The following TARS3 variants were observed in gnomAD, a reference collection of about 807,000 sequenced individuals.
TARS3 encodes threonine--tRNA ligase 2, cytoplasmic.
TARS3 carries 94 observed loss-of-function variants against 103.5 expected under a neutral mutation model. The ratio of observed to expected loss-of-function variants is 0.91; its 90% CI spans 0.77 to 1.08. The LOEUF is 1.08. Ranked by LOEUF, TARS3 falls within the 50% of genes least tolerant of loss-of-function variation. The probability of loss-of-function intolerance (pLI) is 0.00; values close to 1 mark genes in which losing one functional copy is unlikely to be tolerated. For synonymous variants in TARS3, 416 were observed against 355.4 expected (o/e 1.17, Z -1.92); for missense variants, 952 against 995.2 (o/e 0.96, Z 0.58).
At chr15:101,683,375 ATTAGGG>A (rs1445721725) in intron 12 of TARS3, among the ~76,000 whole-genome samples, 1 of 152,126 alleles carries the variant, frequency 6.6e-6, no homozygotes, top group Non-Finnish European at 1.5e-5. Context: ...GTCAGTTAGG[ATTAGGG>A]TTAAACATTA....
At chr15:101,695,567 C>T (rs369956629) in intron 10 of TARS3, among the ~76,000 whole-genome samples, 1 of 152,160 alleles carries the variant, frequency 6.6e-6, no homozygotes, top group East Asian at 1.9e-4. Context: ...AAATACAAGT[C>T]TCAGTGTAGA....
At chr15:101,691,688 C>A (rs1224873613) in intron 10 of TARS3, among the ~76,000 whole-genome samples, 1 of 152,186 alleles carries the variant, frequency 6.6e-6, no homozygotes, top group Non-Finnish European at 1.5e-5. Flanking sequence ...GTGACAAGAG[C>A]AGTTAAAATC....
chr15:101,722,158 G>C (rs1019129440), intron 2 of TARS3, among the ~76,000 whole-genome samples: 1 of 150,988 alleles, frequency 6.6e-6, no homozygotes, highest in East Asian at 2.0e-4. Context: ...CTTCTCCTTA[G>C]CTCTAAAGGT....
At chr15:101,669,891 C>T (rs560358732) in intron 15 of TARS3, among the ~76,000 whole-genome samples, 1 of 152,214 alleles carries the variant, frequency 6.6e-6, no homozygotes, top group African/African-American at 2.4e-5. Flanking sequence ...ATATGTCCAA[C>T]TAATTTCTGA....
Position 101,704,349 on chromosome 15 carries a change from T to A in TARS3, c.996-412A>T, listed in dbSNP as rs186790121. The stretch of plus-strand genomic sequence containing the variant: ...ATTAGCATGAAAGGCTTCAATACTC[T>A]AATCTTTACATAGAAAGTCACAGGG... On this transcript the variant is annotated intron_variant, in intron 7 of 18. Transcript: ENST00000335968. Among the ~76,000 whole-genome samples, 54 of 152,280 alleles carry A rather than the reference T, an allele frequency of 3.5e-4. 1 individual carries two copies. Among genetic ancestry groups the A allele is most frequent in the African/African-American group, 1.2e-3 (48 of 41,556 alleles).
At chr15:101,693,396 A>G (rs1179445390) in intron 10 of TARS3, among the ~76,000 whole-genome samples, 1 of 152,062 alleles carries the variant, frequency 6.6e-6, no homozygotes, top group Admixed American at 6.5e-5. Flanking sequence ...CTTATTCACC[A>G]CCACAAGAAC....
chr15:101,706,613 T>C (rs1282495525), intron 6 of TARS3, among the ~76,000 whole-genome samples: 1 of 152,194 alleles, frequency 6.6e-6, no homozygotes, highest in Non-Finnish European at 1.5e-5. Context: ...GACACAGCTA[T>C]ATTATTAATT....
chr15:101,721,021 T>C (rs1900426906), intron 3 of TARS3, 105 bp downstream of exon 3: 2 of 907,434 alleles, frequency 2.2e-6, no homozygotes, highest in Non-Finnish European at 3.3e-6. Context: ...GTCCTTTTAG[T>C]ATCGTGAGAA....
Position 101,708,808 on chromosome 15 carries a change from G to A in TARS3, c.915C>T (p.Leu305=). ...FERLEVSKEI[L]LEMFKYNKFK... Reference sequence around the variant, plus strand: ...CCCAAGTTACCTTAAACATTTCCAGGAGGATTTCCTTGCTGACTTCTAGTC... The same window carrying A: ...CCCAAGTTACCTTAAACATTTCCAGAAGGATTTCCTTGCTGACTTCTAGTC... The change falls in exon 6 of 19, where the codon CTC becomes CTT. Residue 305 remains leucine, a synonymous_variant. Transcript: ENST00000335968. 4 of 1,611,494 alleles carry A rather than the reference G, an allele frequency of 2.5e-6. No individual in the cohort carries two copies. Among genetic ancestry groups the A allele is most frequent in the Non-Finnish European group, 3.4e-6 (4 of 1,177,658 alleles).
At chr15:101,695,019 A>G (rs1898900765) in intron 10 of TARS3, among the ~76,000 whole-genome samples, 2 of 152,252 alleles carry the variant, frequency 1.3e-5, no homozygotes, top group Non-Finnish European at 2.9e-5. Flanking sequence ...CAGTTGCATA[A>G]TAACATGAAT....
At position 101,703,717 on chromosome 15, in the gene TARS3, G is replaced by GT; in HGVS notation, c.1074+141dup. The GT allele has an allele frequency of 6.5e-6, 4 of 619,166 alleles. No individual in the cohort carries two copies. In the South Asian group the frequency reaches 8.8e-5, roughly 14 times the overall value. The allele number at this position is 619,166 out of a possible 1,614,324, so 38.4% of individuals were successfully genotyped here. A position where few individuals can be genotyped will look rare whatever the true frequency, so the allele number is the denominator to read the frequency against. ...ATCAAAATTCTAAATGATTTTATTA[G>GT]TTTTCATCAAATAAGAATGAAATAT... On this transcript the variant is annotated intron_variant, in intron 8 of 18. Transcript: ENST00000335968.
chr15:101,711,227 C>T (rs1398580219), intron 5 of TARS3, among the ~76,000 whole-genome samples: 1 of 152,094 alleles, frequency 6.6e-6, no homozygotes, highest in East Asian at 1.9e-4. Flanking sequence ...TCATATTCTT[C>T]TGGGGACAAA....
chr15:101,685,997 CCA>C lies in TARS3; in HGVS notation c.1384_1385del (p.Trp462GlyfsTer17). ...LSPNMYNSKL[W>X]EASGHWQHYS... is the part of the protein sequence containing the mutation. Reference sequence around the variant, plus strand: ...AATGCTGCCAGTGGCCTGAGGCTTCCCAGAGTTTACTGTTGTACATATTGGGA... The same window carrying C: ...AATGCTGCCAGTGGCCTGAGGCTTCCGAGTTTACTGTTGTACATATTGGGA... On this transcript the variant is annotated frameshift_variant, in exon 11 of 19. Coordinates refer to ENST00000335968, the MANE Select transcript of TARS3 (RefSeq NM_152334.3). LOFTEE classifies it high-confidence loss of function. The C allele has an allele frequency of 6.2e-7, 1 of 1,613,978 alleles. No individual in the cohort carries two copies. Among genetic ancestry groups the C allele is most frequent in the Non-Finnish European group, 8.5e-7 (1 of 1,179,910 alleles).
chr15:101,692,189 G>C (rs1470454391), intron 10 of TARS3, among the ~76,000 whole-genome samples: 1 of 152,176 alleles, frequency 6.6e-6, no homozygotes, highest in Non-Finnish European at 1.5e-5. Context: ...TTCTTTCCCT[G>C]GTTCTCCCTG....
chr15:101,695,377 T>C (rs1332707066), intron 10 of TARS3, among the ~76,000 whole-genome samples: 1 of 152,232 alleles, frequency 6.6e-6, no homozygotes, highest in East Asian at 1.9e-4. Context: ...CTGACTTATC[T>C]GGCTTAGTAC....
chr15:101,674,014 T>C (rs1897922760), intron 13 of TARS3, among the ~76,000 whole-genome samples: 1 of 152,184 alleles, frequency 6.6e-6, no homozygotes, highest in East Asian at 1.9e-4. Flanking sequence ...AGTCTGAAAA[T>C]ATTAAATGGA....
Position 101,654,023 on chromosome 15 carries a change from C to G in TARS3, c.*559G>C, listed in dbSNP as rs1401099305. 1 of 152,306 alleles carries G rather than the reference C, an allele frequency of 6.6e-6. No individual in the cohort carries two copies. Among genetic ancestry groups the G allele is most frequent in the Non-Finnish European group, 1.5e-5 (1 of 68,140 alleles). 9.4% of individuals were successfully genotyped at this position (152,306 alleles called of 1,614,324 possible). A position where few individuals can be genotyped will look rare whatever the true frequency, so the allele number is the denominator to read the frequency against. On this transcript the variant is annotated 3_prime_UTR_variant, in exon 19 of 19. Transcript: ENST00000335968. ...GAAACATTTAAATGGCAACTCTTAA[C>G]CTATAGTGCAAACACCAGATTCCAC... is the stretch of plus-strand genomic sequence containing the variant.
At chr15:101,708,488 G>A (rs576642549) in intron 6 of TARS3, among the ~76,000 whole-genome samples, 1 of 152,152 alleles carries the variant, frequency 6.6e-6, no homozygotes, top group African/African-American at 2.4e-5. Context: ...TTTTATATGG[G>A]ATTATAAATA....
At chr15:101,656,880 GA>G (rs755823644) in intron 18 of TARS3, 41 bp downstream of exon 18, 34 of 1,291,568 alleles carry the variant, frequency 2.6e-5, no homozygotes, top group South Asian at 3.9e-5. Context: ...ATTGAAGTGG[GA>G]AAAAAAAGCA....
Sources: allele counts gnomAD v4.1 joint callset (sites outside exome capture counted in the v4.1 genomes callset), GRCh38; gene constraint gnomAD v4.1.1; transcripts MANE v1.5; gene names NCBI Gene and HGNC (gene_info 2026-07-23, HGNC 2026-07-21).